The following SARS1 variants were observed in gnomAD, a reference collection of about 807,000 sequenced individuals.
SARS1 encodes seryl-tRNA synthetase 1.
A neutral mutation model predicts 63.7 loss-of-function variants in SARS1; 25 were observed. That is an observed-to-expected ratio of 0.39 (90% confidence interval 0.29 to 0.55). The LOEUF (loss-of-function observed/expected upper bound fraction) is 0.55, where lower values mean the gene tolerates loss of function less well. Ranked by LOEUF, SARS1 falls within the 20% of genes least tolerant of loss-of-function variation. The probability of loss-of-function intolerance (pLI) is 0.62; values close to 1 mark genes in which losing one functional copy is unlikely to be tolerated. For synonymous variants in SARS1, 231 were observed against 243.5 expected (o/e 0.95, Z 0.48); for missense variants, 417 against 649.7 (o/e 0.64, Z 3.89).
intron 1 of SARS1, chr1:109,217,112 C>G: frequency 1.0e-6 from 1 of 985,420 alleles, no homozygotes; most frequent in Non-Finnish European, 1.2e-6. Context: ...CAGTGACATA[C>G]TTTAGAGCAG....
intron 1 of SARS1, among the ~76,000 whole-genome samples, chr1:109,221,465 C>G (rs1654927438): frequency 6.6e-6 from 1 of 152,076 alleles, no homozygotes; most frequent in Admixed American, 6.5e-5. Context: ...CCAAAGGTTC[C>G]AGGCAGTATG....
chr1:109,232,832 CAGT>C (rs1655235543), intron 6 of SARS1, among the ~76,000 whole-genome samples: 1 of 152,132 alleles, frequency 6.6e-6, no homozygotes, highest in Admixed American at 6.5e-5. Context: ...CTGCAGGTAA[CAGT>C]AGGGAGAAAC....
chr1:109,224,283 T>C (rs1218400570), intron 2 of SARS1, among the ~76,000 whole-genome samples: 1 of 152,220 alleles, frequency 6.6e-6, no homozygotes, highest in Non-Finnish European at 1.5e-5. Context: ...CTTTGTTGTC[T>C]AGCTGTTTGT....
chr1:109,230,205 C>T (rs1254552305), intron 4 of SARS1, among the ~76,000 whole-genome samples: 1 of 152,018 alleles, frequency 6.6e-6, no homozygotes, highest in Non-Finnish European at 1.5e-5. Context: ...CTCTGCACCC[C>T]AGGCAATGTC....
At chr1:109,219,204 T>G (rs1258375447) in intron 1 of SARS1, among the ~76,000 whole-genome samples, 1 of 136,990 alleles carries the variant, frequency 7.3e-6, no homozygotes, top group Admixed American at 7.7e-5. Flanking sequence ...AGGCGGAGCT[T>G]GCAGTGAGCC....
intron 3 of SARS1, 51 bp from the exon 4 acceptor site, chr1:109,229,363 G>T (rs1423563872): frequency 6.3e-7 from 1 of 1,583,694 alleles, no homozygotes; most frequent in South Asian, 1.1e-5. Context: ...ATATTCCTGT[G>T]CTGTCCTTGC....
At chr1:109,216,836 TG>T in intron 1 of SARS1, 1 of 717,970 alleles carries the variant, frequency 1.4e-6, no homozygotes, top group Non-Finnish European at 1.7e-6. Flanking sequence ...TTGCCTAGGC[TG>T]GCCTCAAACT....
intron 6 of SARS1, 76 bp downstream of exon 6, chr1:109,231,862 G>A (rs1324539807): frequency 1.6e-6 from 2 of 1,252,296 alleles, no homozygotes; most frequent in African/African-American, 1.6e-5. Context: ...GAGTGGTGCT[G>A]TCCAATAGGA....
chr1:109,227,917 CAAAAAA>C (rs5776968), intron 2 of SARS1, among the ~76,000 whole-genome samples: 3 of 121,886 alleles, frequency 2.5e-5, no homozygotes, highest in East Asian at 4.6e-4. Context: ...GAGACTCCGT[CAAAAAA>C]AAAAAAAAAA....
intron 2 of SARS1, among the ~76,000 whole-genome samples, chr1:109,225,936 CT>C (rs1655056465): frequency 6.6e-6 from 1 of 152,098 alleles, no homozygotes; most frequent in Admixed American, 6.6e-5. Flanking sequence ...CATTTTTTCC[CT>C]ACCTCTGTAG....
intron 1 of SARS1, among the ~76,000 whole-genome samples, chr1:109,223,061 G>A (rs980653121): frequency 1.3e-5 from 2 of 152,132 alleles, no homozygotes; most frequent in African/African-American, 2.4e-5. Context: ...TGCCCCTGAC[G>A]TTTAGATTCA....
intron 6 of SARS1, 87 bp downstream of exon 6, chr1:109,231,873 C>T: frequency 8.6e-7 from 1 of 1,160,514 alleles, no homozygotes. Flanking sequence ...TCCAATAGGA[C>T]TTTCTGCGAT....
At position 109,216,462 on chromosome 1, in the gene SARS1, G is replaced by A. The variant is rs75616752; in HGVS notation, c.136+2334G>A. The A allele has an allele frequency of 7.7e-5, 76 of 985,212 alleles. 2 individuals carry two copies. The East Asian group carries it at 5.9e-3, about 77-fold the overall frequency. The allele number at this position is 985,212 out of a possible 1,614,324, so 61.0% of individuals were successfully genotyped here. A position where few individuals can be genotyped will look rare whatever the true frequency, so the allele number is the denominator to read the frequency against. ...TTTCTTCTTTTTAATTCAGAGTAGCGTAATGATCCTACACTTGGGCATATT... is the reference window on the plus strand; with the variant it reads ...TTTCTTCTTTTTAATTCAGAGTAGCATAATGATCCTACACTTGGGCATATT... On this transcript the variant is annotated intron_variant, in intron 1 of 10. Transcript: ENST00000234677.
At chr1:109,231,169 T>C (rs761575503) in intron 5 of SARS1, 148 bp downstream of exon 5, 15 of 429,978 alleles carry the variant, frequency 3.5e-5, no homozygotes, top group Non-Finnish European at 5.4e-5. Flanking sequence ...GCAAATGTAT[T>C]GGCAATTAGA....
intron 1 of SARS1, among the ~76,000 whole-genome samples, chr1:109,221,960 T>TGTGTGTGTGTGTGTG (rs1654937422): frequency 9.9e-5 from 1 of 10,060 alleles, no homozygotes; most frequent in African/African-American, 1.5e-4. Flanking sequence ...GCTAATTTTT[T>TGTGTGTGTGTGTGTG]TGTGTGTGTG....
chr1:109,217,987 C>A (rs1654830501), intron 1 of SARS1, among the ~76,000 whole-genome samples: 1 of 151,092 alleles, frequency 6.6e-6, no homozygotes, highest in South Asian at 2.1e-4. Flanking sequence ...GTCAGGAGAT[C>A]GAGACCATCC....
intron 1 of SARS1, among the ~76,000 whole-genome samples, chr1:109,218,233 G>C (rs1197113521): frequency 6.7e-6 from 1 of 149,966 alleles, no homozygotes; most frequent in Non-Finnish European, 1.5e-5. Context: ...CAGGCGTGGT[G>C]GCGGGCGCCT....
intron 1 of SARS1, chr1:109,216,071 C>G (rs1426455288): frequency 1.0e-6 from 1 of 984,962 alleles, no homozygotes; most frequent in Non-Finnish European, 1.2e-6. Flanking sequence ...CCAATATTCT[C>G]TTTGCATCCA....
rs753927506 is a variant in SARS1 at position 109,236,758 on chromosome 1, G to A, written c.1257+210G>A. On this transcript the variant is annotated intron_variant, in intron 9 of 10. Transcript: ENST00000234677. ...ACCTGAATCTAGCTCTCTTCTATAA[G>A]GTAATTCTAGCTTTTCTCTTTCTGG... 14 of 1,556,000 alleles carry A rather than the reference G, an allele frequency of 9.0e-6. 2 individuals carry two copies. In the East Asian group the frequency reaches 1.9e-4, roughly 21 times the overall value.
Sources: gnomAD v4.1 joint callset for allele counts (sites outside exome capture counted in the v4.1 genomes callset) on GRCh38, gnomAD v4.1.1 for gene constraint, MANE v1.5 for transcripts, NCBI Gene and HGNC (gene_info 2026-07-23, HGNC 2026-07-21) for gene names.